Variants in NRDC observed in about 807,000 individuals in gnomAD.
The protein encoded by NRDC is nardilysin.
A neutral mutation model predicts 147.1 loss-of-function variants in NRDC; 54 were observed. That is an observed-to-expected ratio of 0.37 (90% CI 0.29 to 0.46). The LOEUF (loss-of-function observed/expected upper bound fraction) is 0.46, where lower values mean the gene tolerates loss of function less well. NRDC is among the 20% of genes least tolerant of loss of function. NRDC has a pLI of 1.00. For missense variants in NRDC, 1,082 were observed against 1,370.6 expected, an observed-to-expected ratio of 0.79 and a Z score of 3.33; for synonymous variants, 440 against 482.1, an observed-to-expected ratio of 0.91 and a Z score of 1.14.
intron 1 of NRDC, among the ~76,000 whole-genome samples, chr1:51,858,809 G>A (rs1169890522): frequency 6.6e-6 from 1 of 152,114 alleles, no homozygotes; most frequent in Admixed American, 6.6e-5. Context: ...GCATTTAACT[G>A]GCTATCCTGA....
intron 4 of NRDC, among the ~76,000 whole-genome samples, chr1:51,831,460 G>C (rs1039108201): frequency 1.1e-4 from 16 of 152,168 alleles, no homozygotes; most frequent in Non-Finnish European, 2.2e-4. Flanking sequence ...CAAGAGTAAA[G>C]ATGCAGTTTT....
intron 4 of NRDC, among the ~76,000 whole-genome samples, chr1:51,829,349 TAACA>T (rs1286130935): frequency 6.6e-6 from 1 of 152,242 alleles, no homozygotes; most frequent in African/African-American, 2.4e-5. Flanking sequence ...CCCAGCCTAC[TAACA>T]TTCTTAAAAG....
At chr1:51,844,480 A>C (rs1681434971) in intron 1 of NRDC, among the ~76,000 whole-genome samples, 1 of 152,006 alleles carries the variant, frequency 6.6e-6, no homozygotes, top group Non-Finnish European at 1.5e-5. Context: ...CGCAAGCCAG[A>C]AAGGCCTCAG....
At chr1:51,866,596 A>G (rs1333064529) in intron 1 of NRDC, among the ~76,000 whole-genome samples, 1 of 152,216 alleles carries the variant, frequency 6.6e-6, no homozygotes, top group Non-Finnish European at 1.5e-5. Flanking sequence ...AATAGATAAT[A>G]ACGATGTATT....
rs1361752720 is a variant in NRDC, at chr1:51,805,534, G to A, written c.2138C>T (p.Pro713Leu). The A allele has an allele frequency of 8.2e-6, 13 of 1,586,368 alleles. No homozygotes were observed. Among genetic ancestry groups the A allele is most frequent in the South Asian group, 2.4e-5 (2 of 84,504 alleles). The change falls in exon 19 of 31, where the codon CCG (proline) becomes CTG (leucine). Residue 713 changes from proline to leucine, a missense_variant. Pro to Leu is a moderately conservative substitution (Grantham distance 98). This residue lies in a region of NRDC where 635 missense variants were observed against 923.8 expected (regional missense o/e 0.69). Transcript: ENST00000352171. Reference sequence around the variant, plus strand: ...CTTTGCTGCAGATTTCTGTATCAACGGTGAAATTAGATGGAAACGTATATA... The same window carrying A: ...CTTTGCTGCAGATTTCTGTATCAACAGTGAAATTAGATGGAAACGTATATA... ...KAYIRFHLIS[P>L]LIQKSAANVV...
At chr1:51,842,930 A>G (rs763533582) in intron 1 of NRDC, among the ~76,000 whole-genome samples, 1 of 151,974 alleles carries the variant, frequency 6.6e-6, no homozygotes, top group Non-Finnish European at 1.5e-5. Flanking sequence ...TTAGCTAGGC[A>G]TGGTGTATCT....
rs896141638 is a variant in NRDC at position 51,814,616 on chromosome 1, A to C, written c.1561-7T>G. 6.2e-7 allele frequency: 1 copy of C among 1,612,512 alleles called. No homozygotes were observed. The highest frequency in any genetic ancestry group is 8.5e-7 in the Non-Finnish European group (1 of 1,178,746). ...GAAAGACAGTGTAAGCAACCTGAAA[A>C]CAAAACATCCAATTAGTCTTTTGCA... On this transcript the variant is annotated splice_polypyrimidine_tract_variant and splice_region_variant and intron_variant, in intron 12 of 30. Coordinates refer to ENST00000352171, the MANE Select transcript of NRDC (RefSeq NM_001101662.2).
chr1:51,813,445 G>A (rs1204849258), intron 14 of NRDC, among the ~76,000 whole-genome samples: 5 of 152,036 alleles, frequency 3.3e-5, no homozygotes, highest in African/African-American at 4.8e-5. Flanking sequence ...CAGGCAGAGC[G>A]GACATCAGAA....
chr1:51,861,500 T>C (rs1322760509), intron 1 of NRDC, among the ~76,000 whole-genome samples: 2 of 146,164 alleles, frequency 1.4e-5, no homozygotes, highest in Non-Finnish European at 3.0e-5. Context: ...TGGCTTTTTA[T>C]TATTATTATT....
chr1:51,810,192 C>T, intron 16 of NRDC, 89 bp downstream of exon 16: 1 of 910,298 alleles, frequency 1.1e-6, no homozygotes, highest in Non-Finnish European at 1.5e-6. Context: ...TACTTTTTCC[C>T]CCTCTAGAAC....
intron 14 of NRDC, among the ~76,000 whole-genome samples, chr1:51,812,496 C>T (rs769809324): frequency 1.1e-4 from 16 of 152,132 alleles, no homozygotes; most frequent in South Asian, 2.1e-4. Context: ...CCACCATACT[C>T]CAGCATGGGC....
At chr1:51,840,555 G>A (rs761689846) in intron 1 of NRDC, 41 bp from the exon 2 acceptor site, 3 of 1,377,082 alleles carry the variant, frequency 2.2e-6, no homozygotes, top group South Asian at 1.4e-5. Context: ...TGATTCAGCT[G>A]TTCTTTACAC....
intron 1 of NRDC, among the ~76,000 whole-genome samples, chr1:51,861,200 T>C (rs1413083245): frequency 1.3e-5 from 2 of 151,554 alleles, no homozygotes; most frequent in African/African-American, 4.8e-5. Flanking sequence ...TCCACCCACC[T>C]TGGCCTTCCA....
At chr1:51,835,510 A>C (rs1571882996) in intron 3 of NRDC, among the ~76,000 whole-genome samples, 1 of 130,464 alleles carries the variant, frequency 7.7e-6, no homozygotes. Context: ...TCTATCACCC[A>C]AGCTGGAGTA....
At chr1:51,793,975 G>A (rs1678770941) in intron 24 of NRDC, 2 of 154,806 alleles carry the variant, frequency 1.3e-5, no homozygotes, top group Non-Finnish European at 2.9e-5. Context: ...GAAGACAAAA[G>A]GAATAATCTG....
intron 4 of NRDC, among the ~76,000 whole-genome samples, chr1:51,828,654 T>C (rs1308154118): frequency 2.0e-5 from 3 of 151,986 alleles, no homozygotes; most frequent in Admixed American, 6.6e-5. Flanking sequence ...AAGATTGGTG[T>C]ATTGGTGTTT....
At chr1:51,800,346 G>A (rs1186600514) in intron 21 of NRDC, among the ~76,000 whole-genome samples, 1 of 152,130 alleles carries the variant, frequency 6.6e-6, no homozygotes, top group East Asian at 1.9e-4. Context: ...AGTCTCTACA[G>A]TAAGCTGCTT....
At chr1:51,874,877 T>C (rs1557944872) in intron 1 of NRDC, among the ~76,000 whole-genome samples, 1 of 152,208 alleles carries the variant, frequency 6.6e-6, no homozygotes, top group East Asian at 1.9e-4. Flanking sequence ...CCGCAGGCTA[T>C]TAATAAATGC....
chr1:51,806,919 A>G lies in NRDC; in HGVS notation c.1991-6T>C. On this transcript the variant is annotated splice_polypyrimidine_tract_variant and splice_region_variant and intron_variant, in intron 17 of 30. Coordinates refer to ENST00000352171, the MANE Select transcript of NRDC (RefSeq NM_001101662.2). The stretch of plus-strand genomic sequence containing the variant: ...CTTCAACGTAAAGTCCGTGGCTAAT[A>G]AAAGAAGATAATAATAATTCACTCA... The G allele has an allele frequency of 6.2e-7, 1 of 1,611,532 alleles. No homozygotes were observed. Among genetic ancestry groups the G allele is most frequent in the South Asian group, 1.1e-5 (1 of 90,512 alleles).
Sources: gnomAD v4.1 joint callset for allele counts (sites outside exome capture counted in the v4.1 genomes callset) on GRCh38, gnomAD v4.1.1 for gene constraint, gnomAD v4.1.1 regional missense constraint, MANE v1.5 for transcripts, NCBI Gene and HGNC (gene_info 2026-07-23, HGNC 2026-07-21) for gene names.